CES5A: variants seen among roughly 807,000 people sequenced by gnomAD.
CES5A encodes the protein carboxylesterase 5.
A neutral mutation model predicts 62.9 loss-of-function variants in CES5A; 67 were observed. That is an observed-to-expected ratio of 1.07 (90% CI 0.88 to 1.31). CES5A has a LOEUF of 1.31. Ranked by LOEUF, CES5A falls within the 50% of genes most tolerant of loss-of-function variation. The pLI is 0.00. For synonymous variants in CES5A, 296 were observed against 280.8 expected (o/e 1.05, Z -0.54); for missense variants, 748 against 708.5 (o/e 1.06, Z -0.63).
intron 3 of CES5A, 95 bp downstream of exon 3, chr16:55,871,530 G>A: frequency 7.2e-7 from 1 of 1,393,072 alleles, no homozygotes. Context: ...ACCCAACAGG[G>A]GGTAGTTCCA....
intron 1 of CES5A, among the ~76,000 whole-genome samples, chr16:55,950,523 A>G (rs1344059213): frequency 6.6e-6 from 1 of 152,170 alleles, no homozygotes; most frequent in Non-Finnish European, 1.5e-5. Context: ...AGAGAAAATG[A>G]CTGAACTGGA....
At chr16:55,929,099 T>C (rs1411727461), upstream of CES5A, among the ~76,000 whole-genome samples, 1 of 152,184 alleles carries the variant, frequency 6.6e-6, no homozygotes, top group Non-Finnish European at 1.5e-5. Context: ...GCCAGTGGGC[T>C]CTAAGACTCC....
intron 1 of CES5A, among the ~76,000 whole-genome samples, chr16:55,914,451 G>A (rs777209330): frequency 2.0e-5 from 3 of 152,162 alleles, no homozygotes; most frequent in African/African-American, 7.2e-5. Context: ...GGTGGTGGGT[G>A]GGGGTAACTC....
At chr16:55,950,493 A>G (rs1389199709) in intron 1 of CES5A, among the ~76,000 whole-genome samples, 1 of 152,226 alleles carries the variant, frequency 6.6e-6, no homozygotes, top group African/African-American at 2.4e-5. Flanking sequence ...TGAACTGAAT[A>G]TCAGAATAGA....
upstream of CES5A, among the ~76,000 whole-genome samples, chr16:55,877,336 C>T (rs189580337): frequency 1.2e-4 from 18 of 152,194 alleles, no homozygotes; most frequent in African/African-American, 4.1e-4. Flanking sequence ...ATGTAATTGT[C>T]TATCATTAAC....
intron 1 of CES5A, among the ~76,000 whole-genome samples, chr16:55,901,351 C>T (rs1039686931): frequency 8.5e-5 from 13 of 152,098 alleles, no homozygotes; most frequent in Non-Finnish European, 1.6e-4. Context: ...TCTTCATTAG[C>T]AGTGTGAAAA....
In CES5A at chr16:55,846,211, T is replaced by A. The variant is rs1318351189; in HGVS notation, c.*240A>T. Reference sequence around the variant, plus strand: ...GTTACAAAACCATTATTATGACAACTAATAGGCCAGCCCTCTTCCAAATTT... The same window carrying A: ...GTTACAAAACCATTATTATGACAACAAATAGGCCAGCCCTCTTCCAAATTT... On this transcript the variant is annotated 3_prime_UTR_variant, in exon 13 of 13. Transcript: ENST00000290567. 1.8e-6 allele frequency: 1 copy of A among 561,938 alleles called. No individual in the cohort carries two copies. 34.8% of individuals were successfully genotyped at this position (561,938 alleles called of 1,614,324 possible).
At chr16:55,938,471 G>C (rs2034401442) in intron 2 of CES5A, among the ~76,000 whole-genome samples, 1 of 152,014 alleles carries the variant, frequency 6.6e-6, no homozygotes, top group Admixed American at 6.6e-5. Context: ...AAGATGAAAG[G>C]AAACTTAAGA....
At chr16:55,869,337 A>G in intron 4 of CES5A, 1 of 375,274 alleles carries the variant, frequency 2.7e-6, no homozygotes, top group South Asian at 4.8e-5. Context: ...AGATGTGATG[A>G]GCCAGATCCC....
chr16:55,865,472 G>A (rs752727997), intron 5 of CES5A, among the ~76,000 whole-genome samples: 3 of 152,200 alleles, frequency 2.0e-5, no homozygotes, highest in Non-Finnish European at 4.4e-5. Context: ...TGAGGACAGT[G>A]AATTTTGCAG....
chr16:55,935,603 G>T (rs191654552), intron 2 of CES5A, among the ~76,000 whole-genome samples: 4 of 151,954 alleles, frequency 2.6e-5, no homozygotes, highest in African/African-American at 9.7e-5. Flanking sequence ...ATCCTTCAAG[G>T]CCCAGTAAAG....
intron 1 of CES5A, among the ~76,000 whole-genome samples, chr16:55,920,942 A>G (rs2034198010): frequency 1.3e-5 from 2 of 152,220 alleles, no homozygotes; most frequent in African/African-American, 4.8e-5. Flanking sequence ...AAATCAAACC[A>G]AAATCTTGGA....
rs548309877 is a variant in CES5A, at chr16:55,872,707, C to T, written c.279-944G>A. Among the ~76,000 whole-genome samples, 31 of 152,246 alleles carry T rather than the reference C, an allele frequency of 2.0e-4. No homozygotes were observed. In the South Asian group the frequency reaches 6.2e-3, roughly 31 times the overall value. ...CCCCTTTGTATGTTGTTGATCAGGC[C>T]TCAGCGCTTTCAGCAAAGCCGTCTC... On this transcript the variant is annotated intron_variant, in intron 2 of 12. Coordinates refer to ENST00000290567, the MANE Select transcript of CES5A (RefSeq NM_001143685.2).
chr16:55,894,498 C>CAAAAAAA (rs370359945), intron 1 of CES5A, among the ~76,000 whole-genome samples: 12 of 102,652 alleles, frequency 1.2e-4, no homozygotes, highest in Admixed American at 2.3e-4. Context: ...AACTCTGTCT[C>CAAAAAAA]AAAAAAAAAA....
intron 4 of CES5A, among the ~76,000 whole-genome samples, chr16:55,866,675 AAAAT>A (rs1403077043): frequency 2.9e-5 from 4 of 138,786 alleles, no homozygotes; most frequent in African/African-American, 1.1e-4. Flanking sequence ...AAAAAAAAAA[AAAAT>A]ACAAAAAAAT....
intron 1 of CES5A, among the ~76,000 whole-genome samples, chr16:55,874,727 A>T (rs866900404): frequency 6.6e-6 from 1 of 152,194 alleles, no homozygotes; most frequent in African/African-American, 2.4e-5. Flanking sequence ...CTCAGTCACC[A>T]CACAGAACGT....
At chr16:55,923,907 G>A (rs2142462057) in intron 1 of CES5A, among the ~76,000 whole-genome samples, 1 of 151,894 alleles carries the variant, frequency 6.6e-6, no homozygotes, top group Admixed American at 6.6e-5. Context: ...GGTATAGAAG[G>A]AACATGCTCA....
At chr16:55,927,822 C>T (rs2034273695), upstream of CES5A, among the ~76,000 whole-genome samples, 1 of 152,148 alleles carries the variant, frequency 6.6e-6, no homozygotes, top group South Asian at 2.1e-4. Flanking sequence ...TACCTGCATT[C>T]ATATGTTTAC....
At chr16:55,935,099 C>G (rs905024808) in intron 2 of CES5A, among the ~76,000 whole-genome samples, 1 of 152,132 alleles carries the variant, frequency 6.6e-6, no homozygotes, top group East Asian at 1.9e-4. Context: ...TGCACCACCA[C>G]GCTTGGCTAA....
Sources: gnomAD v4.1 joint callset for allele counts (sites outside exome capture counted in the v4.1 genomes callset) on GRCh38, gnomAD v4.1.1 for gene constraint, MANE v1.5 for transcripts, NCBI Gene and HGNC (gene_info 2026-07-23, HGNC 2026-07-21) for gene names.